ITGB3BP: variants seen among roughly 807,000 people sequenced by gnomAD.
ITGB3BP encodes the protein centromere protein R.
In ITGB3BP, 27 loss-of-function variants were observed where a neutral mutation model predicts 29.1. The ratio of observed to expected loss-of-function variants is 0.93; its 90% CI spans 0.68 to 1.28. The LOEUF is 1.28. Among genes scored for constraint, ITGB3BP ranks in the 50% most tolerant of loss-of-function variants. ITGB3BP has a pLI of 0.00. For missense variants in ITGB3BP, 192 were observed against 200.2 expected (o/e 0.96, Z 0.25); for synonymous variants, 61 against 61.4 (o/e 0.99, Z 0.03).
intron 4 of ITGB3BP, among the ~76,000 whole-genome samples, chr1:63,467,045 G>C (rs1283850495): frequency 6.6e-6 from 1 of 151,706 alleles, no homozygotes. Context: ...ACCATGCTCG[G>C]CTCATTTTTT....
At chr1:63,462,528 G>GT in intron 4 of ITGB3BP, among the ~76,000 whole-genome samples, 1 of 152,310 alleles carries the variant, frequency 6.6e-6, no homozygotes, top group South Asian at 2.1e-4. Flanking sequence ...GTGAAAGCAG[G>GT]TGTCCTTGTT....
At chr1:63,456,388 T>G (rs1001788439) in intron 4 of ITGB3BP, among the ~76,000 whole-genome samples, 8 of 152,118 alleles carry the variant, frequency 5.3e-5, no homozygotes, top group African/African-American at 1.4e-4. Context: ...AAGTCATCTG[T>G]CTGAGGCCCT....
At chr1:63,491,182 A>G (rs991264246) in intron 2 of ITGB3BP, among the ~76,000 whole-genome samples, 1 of 152,102 alleles carries the variant, frequency 6.6e-6, no homozygotes, top group Non-Finnish European at 1.5e-5. Context: ...CCATTATCAT[A>G]CTATTAATTG....
chr1:63,523,249 G>A, upstream of ITGB3BP: 3 of 1,416,618 alleles, frequency 2.1e-6, no homozygotes, highest in Non-Finnish European at 3.0e-6. Context: ...TGGACGTTGC[G>A]TCAAGCCCAC....
intron 4 of ITGB3BP, among the ~76,000 whole-genome samples, chr1:63,475,787 C>T (rs11809348): frequency 0.21 from 32,412 of 151,744 alleles, 4,046 homozygotes; most frequent in African/African-American, 0.35. Context: ...CACCTGAGGT[C>T]AGGAGTTCGA....
chr1:63,482,649 AT>A (rs34619742), intron 3 of ITGB3BP, among the ~76,000 whole-genome samples: 376 of 129,826 alleles, frequency 2.9e-3, no homozygotes, highest in African/African-American at 6.6e-3. Flanking sequence ...AACAATGTTA[AT>A]TTTTTTTTTT....
intron 3 of ITGB3BP, among the ~76,000 whole-genome samples, chr1:63,480,442 T>C (rs1473258742): frequency 2.0e-5 from 3 of 152,046 alleles, no homozygotes; most frequent in Admixed American, 2.0e-4. Context: ...ATTAGTAGAG[T>C]TAAGATTTTC....
At chr1:63,516,194 G>A (rs1370831461) in intron 1 of ITGB3BP, among the ~76,000 whole-genome samples, 2 of 150,014 alleles carry the variant, frequency 1.3e-5, no homozygotes, top group Admixed American at 6.7e-5. Context: ...AGGCTGAGCT[G>A]AGCAGATTGC....
intron 1 of ITGB3BP, among the ~76,000 whole-genome samples, chr1:63,519,786 G>A (rs1348536869): frequency 6.6e-6 from 1 of 151,922 alleles, no homozygotes; most frequent in Non-Finnish European, 1.5e-5. Flanking sequence ...ACAGCATATA[G>A]GCACAATAAA....
chr1:63,453,139 A>G lies in ITGB3BP; in HGVS notation c.484+779T>C, dbSNP rs75106695. 7.0e-4 allele frequency among the ~76,000 whole-genome samples: 107 copies of G among 152,314 alleles called. No homozygotes were observed. In the East Asian group the frequency reaches 0.017, roughly 24 times the overall value. On this transcript the variant is annotated intron_variant, in intron 7 of 8. Coordinates refer to ENST00000271002, the MANE Select transcript of ITGB3BP (RefSeq NM_014288.5). ...TCTTCGTTCCTTGTCTATAATGACA[A>G]TGATAATACAGTGTAGCTATCTTTC...
intron 4 of ITGB3BP, among the ~76,000 whole-genome samples, chr1:63,472,369 A>G (rs537167087): frequency 0.01 from 1,509 of 149,918 alleles, 37 homozygotes; most frequent in African/African-American, 0.034. Flanking sequence ...TTTTGCAAAA[A>G]AAAAAAAAAA....
chr1:63,525,489 C>T, upstream of ITGB3BP: 23 of 1,112,006 alleles, frequency 2.1e-5, no homozygotes, highest in South Asian at 9.4e-5. Context: ...CTTGATTCTC[C>T]TCCCTGTATT....
chr1:63,497,920 T>A (rs570113763), intron 2 of ITGB3BP, among the ~76,000 whole-genome samples: 1 of 15,738 alleles, frequency 6.4e-5, no homozygotes, highest in East Asian at 0.023. Flanking sequence ...ATGCTTTTCC[T>A]TTCCCCCTTT....
chr1:63,482,160 C>G, intron 3 of ITGB3BP, among the ~76,000 whole-genome samples: 1 of 144,688 alleles, frequency 6.9e-6, no homozygotes, highest in East Asian at 2.1e-4. Flanking sequence ...ATAATCTCAG[C>G]TACTTGGGAG....
chr1:63,471,870 C>T (rs1479170880), intron 4 of ITGB3BP, among the ~76,000 whole-genome samples: 2 of 151,828 alleles, frequency 1.3e-5, no homozygotes, highest in African/African-American at 2.4e-5. Flanking sequence ...CTGCAAGCTC[C>T]GCCTCCTGGG....
At chr1:63,446,601 A>C (rs1053162174) in intron 8 of ITGB3BP, 1 of 533,232 alleles carries the variant, frequency 1.9e-6, no homozygotes, top group Non-Finnish European at 3.4e-6. Flanking sequence ...AGTTCTTTCC[A>C]ATCAGCCTCT....
At chr1:63,446,689 C>G (rs1644794876) in intron 8 of ITGB3BP, 117 bp downstream of exon 8, 3 of 743,104 alleles carry the variant, frequency 4.0e-6, no homozygotes, top group Admixed American at 4.8e-5. Flanking sequence ...AGCTATATCC[C>G]TATTTTCTTA....
At chr1:63,511,250 G>T (rs1415777187) in intron 1 of ITGB3BP, among the ~76,000 whole-genome samples, 3 of 152,028 alleles carry the variant, frequency 2.0e-5, no homozygotes. Context: ...TATTAGGATG[G>T]CTACTATTAA....
intron 7 of ITGB3BP, among the ~76,000 whole-genome samples, chr1:63,450,035 T>C (rs186334977): frequency 5.7e-4 from 87 of 151,724 alleles, no homozygotes; most frequent in African/African-American, 2.1e-3. Flanking sequence ...ACAGAAAGAG[T>C]TTTAAATTTG....
Sources: gnomAD v4.1 joint callset for allele counts (sites outside exome capture counted in the v4.1 genomes callset) on GRCh38, gnomAD v4.1.1 for gene constraint, MANE v1.5 for transcripts, NCBI Gene and HGNC (gene_info 2026-07-23, HGNC 2026-07-21) for gene names.